ILKAP: variants seen among roughly 807,000 people sequenced by gnomAD.
The protein encoded by ILKAP is ILK associated serine/threonine phosphatase, also known as integrin-linked kinase-associated serine/threonine phosphatase 2C.
In ILKAP, 11 loss-of-function variants were observed where a neutral mutation model predicts 49.1. The ratio of observed to expected loss-of-function variants is 0.22; its 90% CI spans 0.14 to 0.37. ILKAP has a LOEUF of 0.37. ILKAP is among the 10% of genes least tolerant of loss of function. ILKAP has a pLI of 1.00. For synonymous variants in ILKAP, 186 were observed against 192.8 expected, an observed-to-expected ratio of 0.96 and a Z score of 0.29; for missense variants, 363 against 510.8, an observed-to-expected ratio of 0.71 and a Z score of 2.79.
chr2:238,185,396 A>G, intron 5 of ILKAP, 109 bp from the exon 6 acceptor site: 1 of 694,880 alleles, frequency 1.4e-6, no homozygotes, highest in Non-Finnish European at 2.6e-6. Context: ...AGTCAGAGGA[A>G]GTCACACTGG....
chr2:238,199,605 T>C (rs753306753), intron 1 of ILKAP, among the ~76,000 whole-genome samples: 6 of 152,194 alleles, frequency 3.9e-5, no homozygotes, highest in African/African-American at 1.2e-4. Context: ...GTAATGTATA[T>C]TGCAATTATT....
chr2:238,173,168 G>A (rs758463623), intron 10 of ILKAP, among the ~76,000 whole-genome samples: 7 of 152,066 alleles, frequency 4.6e-5, no homozygotes, highest in Non-Finnish European at 1.0e-4. Context: ...CACTCCCTCC[G>A]TCCCTCAAGC....
chr2:238,194,358 G>C (rs753756150), intron 2 of ILKAP, 27 bp from the exon 3 acceptor site: 18 of 1,610,362 alleles, frequency 1.1e-5, no homozygotes, highest in Non-Finnish European at 1.4e-5. Flanking sequence ...CACTTAGTGA[G>C]CCCACAAAAA....
intron 9 of ILKAP, among the ~76,000 whole-genome samples, chr2:238,180,435 AC>A (rs879706559): frequency 6.6e-6 from 1 of 152,260 alleles, no homozygotes; most frequent in Non-Finnish European, 1.5e-5. Flanking sequence ...CATATCTGCA[AC>A]TTTTAAACAG....
intron 9 of ILKAP, among the ~76,000 whole-genome samples, chr2:238,181,816 G>C (rs557163637): frequency 6.6e-6 from 1 of 152,296 alleles, no homozygotes; most frequent in African/African-American, 2.4e-5. Context: ...CCTAGGCACA[G>C]AGAAAACACT....
At chr2:238,193,753 C>T (rs1233569295) in intron 3 of ILKAP, among the ~76,000 whole-genome samples, 2 of 152,216 alleles carry the variant, frequency 1.3e-5, no homozygotes, top group African/African-American at 2.4e-5. Flanking sequence ...TATCTCCCAA[C>T]CTCTCCTAAC....
intron 9 of ILKAP, among the ~76,000 whole-genome samples, chr2:238,181,092 A>C (rs1693673445): frequency 1.3e-5 from 2 of 152,188 alleles, no homozygotes; most frequent in African/African-American, 2.4e-5. Flanking sequence ...AGCTTTTTGA[A>C]CAAACGCTAA....
At chr2:238,181,936 A>G (rs2106331103) in intron 9 of ILKAP, 129 bp downstream of exon 9, 1 of 949,126 alleles carries the variant, frequency 1.1e-6, no homozygotes, top group Non-Finnish European at 1.6e-6. Context: ...CACCAGTGTT[A>G]GATCTCAGAC....
At position 238,184,099 on chromosome 2, in the gene ILKAP, C is replaced by T. The variant is rs538030025; in HGVS notation, c.547G>A (p.Val183Ile). The change falls in exon 7 of 12, where the codon GTA becomes ATA. Residue 183 changes from valine to isoleucine, a missense_variant. Val to Ile is a conservative substitution (Grantham distance 29, BLOSUM62 3). Transcript: ENST00000254654. ...AGGCATCTCTTCACGGTTTTCTCTACACTGATTACATCTCCTATTACAGAA... is the reference window on the plus strand; with the variant it reads ...AGGCATCTCTTCACGGTTTTCTCTATACTGATTACATCTCCTATTACAGAA... ...RKFPKGDVIS[V>I]EKTVKRCLLD... 5.0e-6 allele frequency: 8 copies of T among 1,587,962 alleles called. No individual in the cohort carries two copies. In the African/African-American group the frequency reaches 6.7e-5, roughly 13 times the overall value.
In ILKAP at chr2:238,188,380, C is replaced by T. The variant is rs1399408236; in HGVS notation, c.299-123G>A. On this transcript the variant is annotated intron_variant, in intron 4 of 11. Transcript: ENST00000254654. ...CTCAGCAATATCCTAATGGCGCAAA[C>T]AAATAAGCAATACCCCTTAAGGCAT... The T allele has an allele frequency of 1.3e-5, 15 of 1,178,128 alleles. No individual in the cohort carries two copies. The Admixed American group carries it at 3.9e-4, about 31-fold the overall frequency. 73.0% of individuals were successfully genotyped at this position (1,178,128 alleles called of 1,614,324 possible).
chr2:238,172,573 G>GGCT, intron 10 of ILKAP, among the ~76,000 whole-genome samples: 1 of 152,336 alleles, frequency 6.6e-6, no homozygotes, highest in South Asian at 2.1e-4. Context: ...CAGAGGCGGC[G>GGCT]GCTGCTGGAG....
intron 3 of ILKAP, among the ~76,000 whole-genome samples, chr2:238,193,212 T>G (rs1426616680): frequency 6.6e-6 from 1 of 152,210 alleles, no homozygotes; most frequent in Admixed American, 6.5e-5. Context: ...CAGCCTTCTT[T>G]GAACATATTA....
chr2:238,187,987 A>G, intron 5 of ILKAP, 144 bp downstream of exon 5: 1 of 1,013,318 alleles, frequency 9.9e-7, no homozygotes, highest in East Asian at 2.6e-5. Flanking sequence ...GCGGGGAGCA[A>G]AATCAACCCC....
intron 1 of ILKAP, among the ~76,000 whole-genome samples, chr2:238,198,100 G>A (rs1482748801): frequency 6.6e-6 from 1 of 151,904 alleles, no homozygotes; most frequent in African/African-American, 2.4e-5. Flanking sequence ...TGATAATCCT[G>A]AGATTTTATA....
At chr2:238,183,901 G>T in intron 7 of ILKAP, 119 bp downstream of exon 7, 1 of 939,698 alleles carries the variant, frequency 1.1e-6, no homozygotes, top group Non-Finnish European at 1.7e-6. Context: ...TATAAAAGCT[G>T]AGTGCTACGC....
chr2:238,183,980 C>T, intron 7 of ILKAP, 40 bp downstream of exon 7: 1 of 1,272,954 alleles, frequency 7.9e-7, no homozygotes, highest in Middle Eastern at 1.9e-4. Context: ...GAAAACACCA[C>T]ACACAGTCCA....
chr2:238,177,737 T>G (rs1693522202), intron 9 of ILKAP, among the ~76,000 whole-genome samples: 1 of 152,208 alleles, frequency 6.6e-6, no homozygotes, highest in South Asian at 2.1e-4. Context: ...AACATTTGGG[T>G]TGCTTCCCCC....
Position 238,172,481 on chromosome 2 carries a change from A to G in ILKAP, c.956+1053T>C, listed in dbSNP as rs748119707. ...CCAGTGTCCTGAGACTCAGACCCTCAATAACCAATCACACAGACCCATGAC... is the reference window on the plus strand; with the variant it reads ...CCAGTGTCCTGAGACTCAGACCCTCGATAACCAATCACACAGACCCATGAC... On this transcript the variant is annotated intron_variant, in intron 10 of 11. Coordinates refer to ENST00000254654, the MANE Select transcript of ILKAP (RefSeq NM_030768.3). 1.2e-4 allele frequency among the ~76,000 whole-genome samples: 18 copies of G among 152,198 alleles called. No homozygotes were observed. The East Asian group carries it at 1.3e-3, about 11-fold the overall frequency.
At chr2:238,180,966 G>A (rs917301713) in intron 9 of ILKAP, among the ~76,000 whole-genome samples, 17 of 152,206 alleles carry the variant, frequency 1.1e-4, no homozygotes, top group East Asian at 3.8e-4. Context: ...CAGTAGTTAC[G>A]GTGGCAAAAA....
Sources: gnomAD v4.1 joint callset for allele counts (sites outside exome capture counted in the v4.1 genomes callset) on GRCh38, gnomAD v4.1.1 for gene constraint, MANE v1.5 for transcripts, NCBI Gene and HGNC (gene_info 2026-07-23, HGNC 2026-07-21) for gene names.